The following STYXL2 variants were observed in gnomAD, a reference collection of about 807,000 sequenced individuals.
STYXL2 encodes the protein serine/threonine/tyrosine interacting like 2.
In STYXL2, 44 loss-of-function variants were observed where a neutral mutation model predicts 52.4. The ratio of observed to expected loss-of-function variants is 0.84; its 90% CI spans 0.66 to 1.08. STYXL2 has a LOEUF of 1.08. STYXL2 is among the 50% of genes least tolerant of loss of function. The pLI is 0.00. For synonymous variants in STYXL2, 604 were observed against 586.9 expected (o/e 1.03, Z -0.42); for missense variants, 1,604 against 1,471.7 (o/e 1.09, Z -1.47).
intron 5 of STYXL2, among the ~76,000 whole-genome samples, chr1:167,120,207 G>A (rs1667821727): frequency 6.6e-6 from 1 of 152,198 alleles, no homozygotes; most frequent in African/African-American, 2.4e-5. Flanking sequence ...GGTGACATGA[G>A]ACTAGTCTGC....
intron 2 of STYXL2, 22 bp from the exon 3 acceptor site, chr1:167,113,688 C>A: frequency 6.4e-7 from 1 of 1,570,400 alleles, no homozygotes; most frequent in Non-Finnish European, 8.8e-7. Flanking sequence ...GCTTATCTCA[C>A]GTGAATATCC....
At chr1:167,096,180 C>T (rs1025415537) in intron 2 of STYXL2, among the ~76,000 whole-genome samples, 1 of 152,040 alleles carries the variant, frequency 6.6e-6, no homozygotes, top group African/African-American at 2.4e-5. Flanking sequence ...ATCACTTGAA[C>T]CCGGGAGGCG....
chr1:167,102,628 TAGCCAGAGTCCCAC>T (rs1262374414), intron 2 of STYXL2, among the ~76,000 whole-genome samples: 2 of 152,218 alleles, frequency 1.3e-5, no homozygotes, highest in Non-Finnish European at 2.9e-5. Context: ...AATTTTTATT[TAGCCAGAGTCCCAC>T]ACACACTGAT....
Position 167,127,374 on chromosome 1 carries a change from C to T in STYXL2, c.2243C>T (p.Ser748Leu), listed in dbSNP as rs148558531. 1.2e-4 allele frequency: 189 copies of T among 1,614,086 alleles called. No individual in the cohort carries two copies. The highest frequency in any genetic ancestry group is 1.5e-4 in the Non-Finnish European group (181 of 1,180,056). ...AATGAAATGCTGCTGTTGTCCCGCTCACCGTCTGTTGCAAGCATGAAGGCA... is the reference window on the plus strand; with the variant it reads ...AATGAAATGCTGCTGTTGTCCCGCTTACCGTCTGTTGCAAGCATGAAGGCA... ...KQNEMLLLSR[S>L]PSVASMKAVP... Residue 748 changes from serine to leucine, a missense_variant, in exon 6 of 6, where the codon TCA becomes TTA. Physicochemically the swap from Ser to Leu is moderately radical, Grantham distance 145. Coordinates refer to ENST00000361200, the MANE Select transcript of STYXL2 (RefSeq NM_001080426.3).
chr1:167,097,669 T>C (rs1394600455), intron 2 of STYXL2, among the ~76,000 whole-genome samples: 1 of 149,112 alleles, frequency 6.7e-6, no homozygotes, highest in Non-Finnish European at 1.5e-5. Context: ...AGAACAACTG[T>C]CTCCACAAGA....
chr1:167,115,475 G>A (rs1264456485), intron 3 of STYXL2, among the ~76,000 whole-genome samples: 1 of 152,188 alleles, frequency 6.6e-6, no homozygotes, highest in African/African-American at 2.4e-5. Context: ...GAAAGCAGGA[G>A]TTGCCATCAG....
At position 167,128,773 on chromosome 1, in the gene STYXL2, G is replaced by A. The variant is rs1571352177; in HGVS notation, c.*165G>A. The A allele has an allele frequency of 8.5e-7, 1 of 1,179,794 alleles. No individual in the cohort carries two copies. The highest frequency in any genetic ancestry group is 2.6e-5 in the East Asian group (1 of 38,368). The allele number at this position is 1,179,794 out of a possible 1,614,324, so 73.1% of individuals were successfully genotyped here. On this transcript the variant is annotated 3_prime_UTR_variant, in exon 6 of 6. Transcript: ENST00000361200. Reference sequence around the variant, plus strand: ...GCATAAGGGCAGCAGAGGTGGAGTAGGGAGGAGGCAAGGAGGGGGAGAACC... The same window carrying A: ...GCATAAGGGCAGCAGAGGTGGAGTAAGGAGGAGGCAAGGAGGGGGAGAACC...
At position 167,125,945 on chromosome 1, in the gene STYXL2, C is replaced by T. The variant is rs370272310; in HGVS notation, c.814C>T (p.Arg272Trp). The T allele has an allele frequency of 3.1e-6, 5 of 1,613,706 alleles. No individual in the cohort carries two copies. Among genetic ancestry groups the T allele is most frequent in the Admixed American group, 1.7e-5 (1 of 60,004 alleles). The change falls in exon 6 of 6, where the codon CGG becomes TGG. Residue 272 changes from arginine (R) to tryptophan (W), a missense_variant. Physicochemically the swap from Arg to Trp is moderately radical, Grantham distance 101. Transcript: ENST00000361200. The part of the protein sequence containing the change: ...YPNEGFLKQL[R>W]ELNEKLMEER... The stretch of plus-strand genomic sequence containing the variant: ...CAATGAGGGCTTCCTGAAGCAGCTG[C>T]GGGAGCTCAATGAGAAGTTGATGGA...
chr1:167,107,095 C>A (rs1667519501), intron 2 of STYXL2, among the ~76,000 whole-genome samples: 1 of 152,112 alleles, frequency 6.6e-6, no homozygotes, highest in Admixed American at 6.5e-5. Context: ...CTAAGAGGAT[C>A]ATTCACATGG....
At chr1:167,111,136 G>A (rs1298904261) in intron 2 of STYXL2, among the ~76,000 whole-genome samples, 1 of 152,046 alleles carries the variant, frequency 6.6e-6, no homozygotes, top group Non-Finnish European at 1.5e-5. Flanking sequence ...AGAATAATCG[G>A]TGTTCCTGAG....
chr1:167,125,507 A>G (rs932052394), intron 5 of STYXL2, among the ~76,000 whole-genome samples: 3 of 151,844 alleles, frequency 2.0e-5, no homozygotes, highest in African/African-American at 7.3e-5. Context: ...CTGTTCTTGT[A>G]TTTCTCCTCC....
At position 167,119,422 on chromosome 1, in the gene STYXL2, G is replaced by A. The variant is rs149727025; in HGVS notation, c.611G>A (p.Arg204Gln). The A allele has an allele frequency of 9.2e-5, 148 of 1,614,212 alleles. No homozygotes were observed. The African/African-American group carries it at 9.5e-4, about 10-fold the overall frequency. ...GAGGTGGACATTTCCCAGCATTTCCGGAAGGCGTCTGAGTTCCTGGATGAG... is the reference window on the plus strand; with the variant it reads ...GAGGTGGACATTTCCCAGCATTTCCAGAAGGCGTCTGAGTTCCTGGATGAG... ...FPEVDISQHF[R>Q]KASEFLDEAL... is the part of the protein sequence containing the mutation. The change falls in exon 5 of 6, where the codon CGG (arginine) becomes CAG (glutamine). Residue 204 changes from arginine to glutamine, a missense_variant. Arg to Gln is a conservative substitution (Grantham distance 43, BLOSUM62 1). Coordinates refer to ENST00000361200, the MANE Select transcript of STYXL2 (RefSeq NM_001080426.3).
At chr1:167,110,746 G>A (rs183568519) in intron 2 of STYXL2, among the ~76,000 whole-genome samples, 56 of 152,290 alleles carry the variant, frequency 3.7e-4, no homozygotes, top group African/African-American at 1.3e-3. Context: ...CAACCTCACC[G>A]GTACCTTTAA....
In STYXL2 at chr1:167,128,559, G is replaced by T. The variant is rs146870185; in HGVS notation, c.3428G>T (p.Arg1143Leu). 6.2e-7 allele frequency: 1 copy of T among 1,613,498 alleles called. No individual in the cohort carries two copies. The highest frequency in any genetic ancestry group is 1.3e-5 in the African/African-American group (1 of 74,864). ...DDEAIIAAWR[R>L]RQEETRTKLQ... The stretch of plus-strand genomic sequence containing the variant: ...GAAGCCATCATTGCTGCTTGGAGAC[G>T]CCGGCAAGAAGAAACCAGGACCAAG... The change falls in exon 6 of 6, where the codon CGC (arginine) becomes CTC (leucine). Residue 1143 changes from arginine to leucine, a missense_variant. Arg to Leu is a moderately radical substitution (Grantham distance 102, BLOSUM62 -2). Transcript: ENST00000361200.
chr1:167,125,746 C>G lies in STYXL2; in HGVS notation c.656-41C>G, dbSNP rs772998950. ...AACAAACAAGAACACTACAAGGAAG[C>G]CACTGTCATTACATCATTTTCTCTT... is the stretch of plus-strand genomic sequence containing the variant. On this transcript the variant is annotated intron_variant, in intron 5 of 5. Coordinates refer to ENST00000361200, the MANE Select transcript of STYXL2 (RefSeq NM_001080426.3). 1.6e-5 allele frequency: 24 copies of G among 1,538,016 alleles called. No homozygotes were observed. The Admixed American group carries it at 4.8e-4, about 31-fold the overall frequency.
At chr1:167,123,767 G>T (rs565621352) in intron 5 of STYXL2, among the ~76,000 whole-genome samples, 88 of 152,288 alleles carry the variant, frequency 5.8e-4, no homozygotes, top group African/African-American at 1.9e-3. Context: ...GGAATTACAG[G>T]TGCTCTCCAC....
intron 2 of STYXL2, among the ~76,000 whole-genome samples, chr1:167,113,369 A>C (rs1397809036): frequency 6.6e-6 from 1 of 152,196 alleles, no homozygotes. Flanking sequence ...AAAGGAGACA[A>C]AATTTTTAAA....
rs35645209 is a variant in STYXL2 at position 167,101,800 on chromosome 1, C to CAAA, written c.110+6845_110+6847dup. Among the ~76,000 whole-genome samples, 650 of 140,788 alleles carry CAAA rather than the reference C, an allele frequency of 4.6e-3. 10 individuals carry two copies. Among genetic ancestry groups the CAAA allele is most frequent in the African/African-American group, 0.015 (543 of 37,346 alleles). 92.4% of individuals were successfully genotyped at this position (140,788 alleles called of 152,430 possible). The stretch of plus-strand genomic sequence containing the variant: ...TAGGCAACAGAGTGACAGTCCATCT[C>CAAA]AAAAAAGAAAAAAAAAAGCCTATGT... On this transcript the variant is annotated intron_variant, in intron 2 of 5. Coordinates refer to ENST00000361200, the MANE Select transcript of STYXL2 (RefSeq NM_001080426.3).
chr1:167,122,662 A>AT (rs758970225), intron 5 of STYXL2, among the ~76,000 whole-genome samples: 8 of 150,710 alleles, frequency 5.3e-5, no homozygotes, highest in East Asian at 3.9e-4. Flanking sequence ...TAAAAAAAAA[A>AT]TTTTTTTTTG....
Sources: gnomAD v4.1 joint callset for allele counts (sites outside exome capture counted in the v4.1 genomes callset) on GRCh38, gnomAD v4.1.1 for gene constraint, MANE v1.5 for transcripts, NCBI Gene and HGNC (gene_info 2026-07-23, HGNC 2026-07-21) for gene names.